The following DLC1 variants were observed in gnomAD, a reference collection of about 807,000 sequenced individuals.
The protein encoded by DLC1 is rho GTPase-activating protein 7.
A neutral mutation model predicts 140.3 loss-of-function variants in DLC1; 54 were observed. The ratio of observed to expected loss-of-function variants is 0.38; its 90% CI spans 0.31 to 0.48. The LOEUF (loss-of-function observed/expected upper bound fraction) is 0.48. DLC1 is among the 20% of genes least tolerant of loss of function. The pLI is 0.96. For synonymous variants in DLC1, 986 were observed against 728.1 expected (o/e 1.35, Z -5.70); for missense variants, 2,536 against 1,907.0 (o/e 1.33, Z -6.14).
At chr8:13,435,741 C>A (rs1034141275) in intron 2 of DLC1, among the ~76,000 whole-genome samples, 3 of 152,152 alleles carry the variant, frequency 2.0e-5, no homozygotes, top group Non-Finnish European at 4.4e-5. Flanking sequence ...ATTTAGTTGA[C>A]AAAGGAGTGG....
At chr8:13,579,578 T>A (rs1805003791) in intron 1 of DLC1, among the ~76,000 whole-genome samples, 1 of 131,594 alleles carries the variant, frequency 7.6e-6, no homozygotes, top group Non-Finnish European at 1.6e-5. Context: ...ATTTAATATA[T>A]TATATTTTAT....
intron 1 of DLC1, among the ~76,000 whole-genome samples, chr8:13,573,869 A>G (rs929552415): frequency 6.6e-6 from 1 of 152,186 alleles, no homozygotes; most frequent in East Asian, 1.9e-4. Context: ...AGTTCATTTT[A>G]TGACACTTGT....
Position 13,244,747 on chromosome 8 carries a change from C to G in DLC1, c.1348+60522G>C, listed in dbSNP as rs1175917231. ...CACCCACCTTTCCTGAATCTCCTGGCCAAGATAAACATGCCCCTCTACTGT... is the reference window on the plus strand; with the variant it reads ...CACCCACCTTTCCTGAATCTCCTGGGCAAGATAAACATGCCCCTCTACTGT... On this transcript the variant is annotated intron_variant, in intron 5 of 17. Coordinates refer to ENST00000276297, the MANE Select transcript of DLC1 (RefSeq NM_182643.3). Among the ~76,000 whole-genome samples the G allele has an allele frequency of 2.1e-4, 32 of 152,106 alleles. 1 individual carries two copies. The highest frequency in any genetic ancestry group is 4.7e-4 in the Non-Finnish European group (32 of 68,022).
chr8:13,359,861 CATGCT>C (rs1835139955), intron 4 of DLC1, among the ~76,000 whole-genome samples: 1 of 152,156 alleles, frequency 6.6e-6, no homozygotes, highest in Non-Finnish European at 1.5e-5. Flanking sequence ...TTTAAGTTCT[CATGCT>C]ATTCAGGCCA....
intron 2 of DLC1, among the ~76,000 whole-genome samples, chr8:13,484,335 A>T (rs542233735): frequency 6.6e-6 from 1 of 152,328 alleles, no homozygotes; most frequent in Admixed American, 6.5e-5. Flanking sequence ...GTGAAGATTC[A>T]TTCTCAATCT....
intron 1 of DLC1, among the ~76,000 whole-genome samples, chr8:13,587,581 A>AT (rs1760027374): frequency 1.5e-5 from 2 of 132,078 alleles, no homozygotes; most frequent in South Asian, 2.5e-4. Context: ...AGAGAGAGAA[A>AT]ATATATATAT....
chr8:13,107,601 C>T (rs1444269013), intron 7 of DLC1, among the ~76,000 whole-genome samples: 1 of 152,208 alleles, frequency 6.6e-6, no homozygotes, highest in Non-Finnish European at 1.5e-5. Flanking sequence ...TCAAATAATA[C>T]TGGAGCTTCG....
chr8:13,350,469 A>T (rs1316688312), intron 4 of DLC1, among the ~76,000 whole-genome samples: 1 of 152,100 alleles, frequency 6.6e-6, no homozygotes, highest in East Asian at 1.9e-4. Context: ...TAATCTCAGC[A>T]CTTTGGAAAG....
At chr8:13,135,227 C>T (rs1822473938) in intron 5 of DLC1, among the ~76,000 whole-genome samples, 1 of 133,566 alleles carries the variant, frequency 7.5e-6, no homozygotes, top group Admixed American at 7.8e-5. Context: ...TTTTTTGAGA[C>T]AAAGTCTCGC....
At chr8:13,201,991 G>A (rs1411830644) in intron 5 of DLC1, among the ~76,000 whole-genome samples, 1 of 148,884 alleles carries the variant, frequency 6.7e-6, no homozygotes, top group Non-Finnish European at 1.5e-5. Context: ...CTGTCACCAG[G>A]CTGGAGTGCA....
chr8:13,248,070 C>T (rs1829839327), intron 5 of DLC1, among the ~76,000 whole-genome samples: 1 of 152,198 alleles, frequency 6.6e-6, no homozygotes, highest in Non-Finnish European at 1.5e-5. Context: ...GGAAAGCAGG[C>T]ACCTGGTTAG....
chr8:13,283,569 G>A (rs1303969426), intron 5 of DLC1, among the ~76,000 whole-genome samples: 1 of 152,158 alleles, frequency 6.6e-6, no homozygotes, highest in Non-Finnish European at 1.5e-5. Flanking sequence ...AGGCAGGAGT[G>A]TAGTGGTGCG....
chr8:13,157,571 ACTAAT>A (rs1284469689), intron 5 of DLC1, among the ~76,000 whole-genome samples: 3 of 152,210 alleles, frequency 2.0e-5, no homozygotes, highest in Non-Finnish European at 4.4e-5. Flanking sequence ...GGCTAACTGA[ACTAAT>A]CTAAGCTGAC....
rs117910084 is a variant in DLC1 at position 13,113,636 on chromosome 8, G to A, written c.1420+1950C>T. Reference sequence around the variant, plus strand: ...AAAGGACAGCCACTTTGGTGTTACTGCCAATGCAGTTGTCTTTCCTTATCT... The same window carrying A: ...AAAGGACAGCCACTTTGGTGTTACTACCAATGCAGTTGTCTTTCCTTATCT... On this transcript the variant is annotated intron_variant, in intron 6 of 17. Transcript: ENST00000276297. Among the ~76,000 whole-genome samples the A allele has an allele frequency of 1.3e-3, 196 of 152,320 alleles. 1 individual carries two copies. The East Asian group carries it at 0.029, about 22-fold the overall frequency.
chr8:13,374,750 C>G (rs546143844), intron 4 of DLC1, among the ~76,000 whole-genome samples: 1 of 152,178 alleles, frequency 6.6e-6, no homozygotes, highest in Non-Finnish European at 1.5e-5. Flanking sequence ...CCATTGCACT[C>G]CAGTCTGGGT....
intron 17 of DLC1, 68 bp downstream of exon 17, chr8:13,086,222 C>T (rs1817545231): frequency 3.2e-6 from 5 of 1,554,822 alleles, no homozygotes; most frequent in Non-Finnish European, 4.4e-6. Flanking sequence ...GCATTCTTTG[C>T]ATTAGACAAA....
At chr8:13,569,434 T>C (rs1205504855) in intron 1 of DLC1, among the ~76,000 whole-genome samples, 1 of 152,204 alleles carries the variant, frequency 6.6e-6, no homozygotes, top group Non-Finnish European at 1.5e-5. Context: ...ACCATTACCA[T>C]TTTCATAATA....
intron 5 of DLC1, among the ~76,000 whole-genome samples, chr8:13,140,344 C>T (rs1048353351): frequency 2.6e-5 from 4 of 151,980 alleles, no homozygotes; most frequent in Non-Finnish European, 5.9e-5. Flanking sequence ...GTGATCCTCC[C>T]ACCTCAGCCT....
rs551067016 is a variant in DLC1, at chr8:13,361,210, C to T, written c.1314+32343G>A. Reference sequence around the variant, plus strand: ...TTATACCACTGCACTCCAGCCTGGGCGACGGAGTGAGACCTTGTCTCAGAA... The same window carrying T: ...TTATACCACTGCACTCCAGCCTGGGTGACGGAGTGAGACCTTGTCTCAGAA... On this transcript the variant is annotated intron_variant, in intron 4 of 17. Transcript: ENST00000276297. Among the ~76,000 whole-genome samples, 254 of 152,076 alleles carry T rather than the reference C, an allele frequency of 1.7e-3. 2 individuals carry two copies. The highest frequency in any genetic ancestry group is 5.1e-3 in the African/African-American group (213 of 41,478).
Sources: gnomAD v4.1 joint callset for allele counts (sites outside exome capture counted in the v4.1 genomes callset) on GRCh38, gnomAD v4.1.1 for gene constraint, MANE v1.5 for transcripts, NCBI Gene and HGNC (gene_info 2026-07-23, HGNC 2026-07-21) for gene names.